Variants in NELFA observed in about 807,000 individuals in gnomAD.
NELFA encodes negative elongation factor complex member A.
Under a neutral mutation model 51.8 loss-of-function variants are expected in NELFA, and 35 were observed. The ratio of observed to expected loss-of-function variants is 0.68; its 90% CI spans 0.52 to 0.90. The LOEUF (loss-of-function observed/expected upper bound fraction) is 0.90, where lower values mean the gene tolerates loss of function less well. Among genes scored for constraint, NELFA ranks in the 40% least tolerant of loss-of-function variants. The probability of loss-of-function intolerance (pLI) is 0.00; values close to 1 mark genes in which losing one functional copy is unlikely to be tolerated. For missense variants in NELFA, 658 were observed against 746.4 expected, an observed-to-expected ratio of 0.88 and a Z score of 1.38; for synonymous variants, 417 against 338.4, an observed-to-expected ratio of 1.23 and a Z score of -2.55.
Position 1,989,906 on chromosome 4 carries a change from G to C in NELFA, c.383-37C>G. The C allele has an allele frequency of 6.3e-7, 1 of 1,599,672 alleles. No individual in the cohort carries two copies. Among genetic ancestry groups the C allele is most frequent in the South Asian group, 1.1e-5 (1 of 89,112 alleles). ...AACCACATGAAGTTAGGGGCGCCCAGGCCGCAGACCTCCCGGCTGAGAGGA... is the reference window on the plus strand; with the variant it reads ...AACCACATGAAGTTAGGGGCGCCCACGCCGCAGACCTCCCGGCTGAGAGGA... On this transcript the variant is annotated intron_variant, in intron 2 of 10. Transcript: ENST00000382882. The surrounding 1 kb of genome is among the most constrained non-coding windows in gnomAD (Gnocchi z 4.8).
At chr4:2,006,277 T>TA (rs1187570154) in intron 1 of NELFA, among the ~76,000 whole-genome samples, 1 of 152,100 alleles carries the variant, frequency 6.6e-6, no homozygotes, top group Non-Finnish European at 1.5e-5. Context: ...TGTGGAAAAT[T>TA]AGACTCCCTG....
chr4:2,002,907 T>G (rs762591384), intron 1 of NELFA, among the ~76,000 whole-genome samples: 9 of 152,140 alleles, frequency 5.9e-5, no homozygotes, highest in African/African-American at 2.2e-4. Flanking sequence ...CTAAAGAGCT[T>G]CTGCTCAGCA....
At chr4:1,993,550 C>T (rs1560872713) in intron 1 of NELFA, among the ~76,000 whole-genome samples, 1 of 147,574 alleles carries the variant, frequency 6.8e-6, no homozygotes, top group Non-Finnish European at 1.5e-5. Context: ...TGCACTCCAA[C>T]CTGGGCAACA....
At chr4:1,990,165 G>A in intron 2 of NELFA, 1 of 456,436 alleles carries the variant, frequency 2.2e-6, no homozygotes, top group Non-Finnish European at 4.1e-6. Flanking sequence ...GTGATTCCTG[G>A]AGGGCTCCAG....
Position 1,983,090 on chromosome 4 carries a change from C to T in NELFA, c.*229G>A. 1 of 443,110 alleles carries T rather than the reference C, an allele frequency of 2.3e-6. No homozygotes were observed. The highest frequency in any genetic ancestry group is 4.0e-6 in the Non-Finnish European group (1 of 252,388). 27.4% of individuals were successfully genotyped at this position (443,110 alleles called of 1,614,324 possible). A position where few individuals can be genotyped will look rare whatever the true frequency, so the allele number is the denominator to read the frequency against. On this transcript the variant is annotated 3_prime_UTR_variant, in exon 11 of 11. Coordinates refer to ENST00000382882, the MANE Select transcript of NELFA (RefSeq NM_005663.5). ...TACATTCAAAAATGTAACGTTGAGT[C>T]CAAAAAGTGTCTTAAATCACACAAA...
rs1027366349 is a variant in NELFA, at chr4:1,983,012, C to G, written c.*307G>C. On this transcript the variant is annotated 3_prime_UTR_variant, in exon 11 of 11. Coordinates refer to ENST00000382882, the MANE Select transcript of NELFA (RefSeq NM_005663.5). ...TTTTAAAAAGTAAGAGTCTAACAGG[C>G]AGAGCTGTCACTAAAATTAGGAAGT... 1 of 276,704 alleles carries G rather than the reference C, an allele frequency of 3.6e-6. No individual in the cohort carries two copies. The highest frequency in any genetic ancestry group is 2.2e-5 in the African/African-American group (1 of 44,960). 17.1% of individuals were successfully genotyped at this position (276,704 alleles called of 1,614,324 possible). A position where few individuals can be genotyped will look rare whatever the true frequency, so the allele number is the denominator to read the frequency against.
At chr4:2,004,332 T>G (rs1179467191) in intron 1 of NELFA, among the ~76,000 whole-genome samples, 12 of 152,122 alleles carry the variant, frequency 7.9e-5, no homozygotes, top group African/African-American at 2.9e-4. Flanking sequence ...GGAAGAGGAC[T>G]GGGCAAATGC....
At chr4:2,001,755 T>C (rs1728570947) in intron 1 of NELFA, among the ~76,000 whole-genome samples, 1 of 151,150 alleles carries the variant, frequency 6.6e-6, no homozygotes, top group Non-Finnish European at 1.5e-5. Flanking sequence ...ATACACAAAT[T>C]AGCCGGGCGT....
At chr4:1,985,254 G>A (rs1440798501) in intron 7 of NELFA, among the ~76,000 whole-genome samples, 1 of 152,200 alleles carries the variant, frequency 6.6e-6, no homozygotes, top group Non-Finnish European at 1.5e-5. Flanking sequence ...CACAGAACAC[G>A]CAGCGGCGGG....
At position 2,008,934 on chromosome 4, in the gene NELFA, G is replaced by C. The variant is rs761227801; in HGVS notation, c.26C>G (p.Thr9Arg). The C allele has an allele frequency of 1.3e-6, 2 of 1,568,012 alleles. No homozygotes were observed. The highest frequency in any genetic ancestry group is 1.9e-5 in the Admixed American group (1 of 52,060). Residue 9 changes from threonine (T) to arginine (R), a missense_variant, in exon 1 of 11, where the codon ACG becomes AGG. Physicochemically the swap from Thr to Arg is moderately conservative, Grantham distance 71. Coordinates refer to ENST00000382882, the MANE Select transcript of NELFA (RefSeq NM_005663.5). ...CAGCTTGTTGTGCAGCCACAGGCCC[G>C]TGTCGCTCTCCCGCATGGACGCCAT... is the stretch of plus-strand genomic sequence containing the variant. The part of the protein sequence containing the change: MASMRESD[T>R]GLWLHNKLGA...
At position 2,008,840 on chromosome 4, in the gene NELFA, G is replaced by A. The variant is rs1382200265; in HGVS notation, c.120C>T (p.Asn40=). The change falls in exon 1 of 11, where the codon AAC becomes AAT. Residue 40 remains asparagine (N), a synonymous_variant. Transcript: ENST00000382882. Reference sequence around the variant, plus strand: ...AGAGGCCATGGAAGCAGAGACGGATGTTGTCGATGACCGCGGCCGTGAGCA... The same window carrying A: ...AGAGGCCATGGAAGCAGAGACGGATATTGTCGATGACCGCGGCCGTGAGCA... ...ASLLTAAVID[N]IRLCFHGLSS... The A allele has an allele frequency of 1.2e-6, 2 of 1,610,262 alleles. No individual in the cohort carries two copies. The highest frequency in any genetic ancestry group is 4.5e-5 in the East Asian group (2 of 44,686).
chr4:1,991,697 C>T lies in NELFA; in HGVS notation c.229G>A (p.Glu77Lys). ...TCGAGGCTGGCGAGCTGGATGATCT[C>T]CATTAGGGCGCCCTTCATCTGCAAA... Reference protein sequence around the residue: ...TVDEMKGALMEIIQLASLDSD... With the variant: ...TVDEMKGALMKIIQLASLDSD... Residue 77 changes from glutamate to lysine, a missense_variant, in exon 2 of 11, where the codon GAG (glutamate) becomes AAG (lysine). Physicochemically the swap from Glu to Lys is moderately conservative, Grantham distance 56. Transcript: ENST00000382882. 6.2e-7 allele frequency: 1 copy of T among 1,603,526 alleles called. No individual in the cohort carries two copies. Among genetic ancestry groups the T allele is most frequent in the South Asian group, 1.1e-5 (1 of 89,544 alleles).
Position 1,983,283 on chromosome 4 carries a change from C to T in NELFA, c.*36G>A. 1 of 1,591,240 alleles carries T rather than the reference C, an allele frequency of 6.3e-7. No homozygotes were observed. Among genetic ancestry groups the T allele is most frequent in the East Asian group, 2.2e-5 (1 of 44,456 alleles). On this transcript the variant is annotated 3_prime_UTR_variant, in exon 11 of 11. Transcript: ENST00000382882. ...CTGGCAAAGCCATCGTCCCGTGGAC[C>T]CCCACAAGTGACGGCCAGCTGTGAG...
chr4:2,003,897 A>G (rs1214277562), intron 1 of NELFA: 1 of 151,124 alleles, frequency 6.6e-6, no homozygotes, highest in African/African-American at 2.4e-5. Flanking sequence ...TCATGCCTGT[A>G]ATCCCAGCAC....
At chr4:1,984,971 G>A in intron 7 of NELFA, 52 bp from the exon 8 acceptor site, 1 of 1,366,994 alleles carries the variant, frequency 7.3e-7, no homozygotes, top group Non-Finnish European at 1.0e-6. Context: ...CTTCCGGCAT[G>A]TGCTAACACA....
chr4:2,007,412 T>C (rs924317491), intron 1 of NELFA, among the ~76,000 whole-genome samples: 2 of 152,124 alleles, frequency 1.3e-5, no homozygotes, highest in South Asian at 4.1e-4. Flanking sequence ...ATAAAGTGCC[T>C]CGTGCTCACA....
intron 1 of NELFA, chr4:2,008,021 C>T (rs867949335): frequency 6.6e-6 from 3 of 456,880 alleles, no homozygotes; most frequent in African/African-American, 2.0e-5. Flanking sequence ...GTAAAACGGA[C>T]ACAGAGCGCT....
chr4:1,993,623 A>G (rs970712844), intron 1 of NELFA, among the ~76,000 whole-genome samples: 2 of 151,562 alleles, frequency 1.3e-5, no homozygotes, highest in Admixed American at 1.3e-4. Context: ...AGAAAGAAAG[A>G]AAAAAGAAAA....
At chr4:2,002,463 G>A (rs552145888) in intron 1 of NELFA, among the ~76,000 whole-genome samples, 6 of 152,182 alleles carry the variant, frequency 3.9e-5, no homozygotes, top group East Asian at 1.9e-4. Flanking sequence ...GAGGCATCAC[G>A]CTACCTGACT....
Sources: allele counts gnomAD v4.1 joint callset (sites outside exome capture counted in the v4.1 genomes callset), GRCh38; gene constraint gnomAD v4.1.1; non-coding constraint Gnocchi (gnomAD v3.1); transcripts MANE v1.5; gene names NCBI Gene and HGNC (gene_info 2026-07-23, HGNC 2026-07-21).